MPP2: variants seen among roughly 807,000 people sequenced by gnomAD.
MPP2 encodes MAGUK p55 scaffold protein 2.
In MPP2, 42 loss-of-function variants were observed where a neutral mutation model predicts 58.5. The ratio of observed to expected loss-of-function variants is 0.72; its 90% CI spans 0.56 to 0.93. The LOEUF is 0.93. Ranked by LOEUF, MPP2 falls within the 40% of genes least tolerant of loss-of-function variation. The pLI is 0.00. For missense variants in MPP2, 632 were observed against 760.4 expected (o/e 0.83, Z 1.99); for synonymous variants, 300 against 307.8 (o/e 0.97, Z 0.26).
chr17:43,879,467 G>T lies in MPP2; in HGVS notation c.1354-64C>A. 1 of 1,595,336 alleles carries T rather than the reference G, an allele frequency of 6.3e-7. No individual in the cohort carries two copies. The highest frequency in any genetic ancestry group is 8.6e-7 in the Non-Finnish European group (1 of 1,166,630). ...TGTCTGTCCTAGGAACCAGAGAAAG[G>T]CTGTGAGGGTAACTGGGGTTGGGGT... On this transcript the variant is annotated intron_variant, in intron 11 of 12. Transcript: ENST00000269095. This position sits in a 1 kb window ranked among gnomAD's most constrained non-coding sequence, Gnocchi z 4.1.
intron 3 of MPP2, among the ~76,000 whole-genome samples, chr17:43,889,360 CTTTTTTTTTT>C (rs397748293): frequency 7.4e-6 from 1 of 135,164 alleles, no homozygotes; most frequent in Non-Finnish European, 1.6e-5. Flanking sequence ...AAATCACCAT[CTTTTTTTTTT>C]TTTTTTTTTT....
chr17:43,900,712 T>A (rs1422780711), intron 2 of MPP2: 2 of 1,325,142 alleles, frequency 1.5e-6, no homozygotes, highest in Non-Finnish European at 2.0e-6. Flanking sequence ...GCCTTGCTGA[T>A]TGGCTAAAGC....
At position 43,880,080 on chromosome 17, in the gene MPP2, G is replaced by T; in HGVS notation, c.1151-96C>A. On this transcript the variant is annotated intron_variant, in intron 10 of 12. Transcript: ENST00000269095. This position sits in a 1 kb window ranked among gnomAD's most constrained non-coding sequence, Gnocchi z 5.2. ...CCCCTACCCAGGCCCCCGTTTCCCA[G>T]CCTTGGAGGTGCAGTCTGCTCCCCA... 2 of 1,205,208 alleles carry T rather than the reference G, an allele frequency of 1.7e-6. No homozygotes were observed. Among genetic ancestry groups the T allele is most frequent in the Non-Finnish European group, 2.4e-6 (2 of 843,134 alleles). 74.7% of individuals were successfully genotyped at this position (1,205,208 alleles called of 1,614,324 possible).
At position 43,879,451 on chromosome 17, in the gene MPP2, T is replaced by C. The variant is rs769269771; in HGVS notation, c.1354-48A>G. The C allele has an allele frequency of 1.2e-6, 2 of 1,605,808 alleles. No homozygotes were observed. ...AGGGAGTATATCCCCATGTCTGTCC[T>C]AGGAACCAGAGAAAGGCTGTGAGGG... On this transcript the variant is annotated intron_variant, in intron 11 of 12. Transcript: ENST00000269095. This position sits in a 1 kb window ranked among gnomAD's most constrained non-coding sequence, Gnocchi z 4.1.
rs368504372 is a variant in MPP2, at chr17:43,880,782, C to T, written c.1059G>A (p.Leu353=). ...CCACGCCCTGAGCCCCAATCAGTAC[C>T]AGGGTTTTCCGGCGGAACGGGGGCA... ...ARMPPFRRKT[L]VLIGAQGVGR... The change falls in exon 10 of 13, where the codon CTG becomes CTA. Residue 353 remains leucine (L), a synonymous_variant. Transcript: ENST00000269095. The surrounding 1 kb of genome is among the most constrained non-coding windows in gnomAD (Gnocchi z 5.2). 1 of 1,613,810 alleles carries T rather than the reference C, an allele frequency of 6.2e-7. No homozygotes were observed. The highest frequency in any genetic ancestry group is 1.3e-5 in the African/African-American group (1 of 74,952).
chr17:43,881,842 C>T (rs963622445), intron 6 of MPP2, among the ~76,000 whole-genome samples: 1 of 152,142 alleles, frequency 6.6e-6, no homozygotes, highest in Non-Finnish European at 1.5e-5. Context: ...GGCACCTAAT[C>T]CTGGATCCCT....
Position 43,876,575 on chromosome 17 carries a change from G to C in MPP2, c.*1232C>G, listed in dbSNP as rs1227350139. 6.6e-6 allele frequency: 1 copy of C among 152,320 alleles called. No individual in the cohort carries two copies. The highest frequency in any genetic ancestry group is 1.5e-5 in the Non-Finnish European group (1 of 68,156). 9.4% of individuals were successfully genotyped at this position (152,320 alleles called of 1,614,324 possible). ...AATGAGGGCTGATGGGGAACCCCCA[G>C]AAAGGGGCCCCAAAGAGTGACCTCC... On this transcript the variant is annotated 3_prime_UTR_variant, in exon 13 of 13. Transcript: ENST00000269095.
chr17:43,892,715 C>T (rs2047658125), intron 3 of MPP2, among the ~76,000 whole-genome samples: 1 of 152,136 alleles, frequency 6.6e-6, no homozygotes, highest in African/African-American at 2.4e-5. Flanking sequence ...TCTACAAATC[C>T]GGAACCATAC....
intron 3 of MPP2, among the ~76,000 whole-genome samples, chr17:43,890,982 C>T (rs2047581145): frequency 6.6e-6 from 1 of 152,190 alleles, no homozygotes; most frequent in East Asian, 1.9e-4. Context: ...TTGTTTTAAG[C>T]CACGACACAG....
chr17:43,900,640 G>A (rs1037271660), intron 2 of MPP2: 4 of 1,443,636 alleles, frequency 2.8e-6, no homozygotes, highest in East Asian at 2.5e-5. Context: ...GGCTGGGGAA[G>A]GCGGGAGTCG....
At chr17:43,890,962 T>C (rs1278121861) in intron 3 of MPP2, among the ~76,000 whole-genome samples, 2 of 152,192 alleles carry the variant, frequency 1.3e-5, no homozygotes, top group Admixed American at 6.5e-5. Flanking sequence ...TCAGGGGAAT[T>C]AAATCACAGT....
In MPP2 at chr17:43,880,750, C is replaced by T. The variant is rs199968039; in HGVS notation, c.1091G>A (p.Arg364His). 68 of 1,613,958 alleles carry T rather than the reference C, an allele frequency of 4.2e-5. 1 individual carries two copies. Among genetic ancestry groups the T allele is most frequent in the Admixed American group, 1.2e-4 (7 of 59,992 alleles). Residue 364 changes from arginine to histidine, a missense_variant, in exon 10 of 13, where the codon CGC (arginine) becomes CAC (histidine). Arg to His is a conservative substitution (Grantham distance 29). Transcript: ENST00000269095. This position sits in a 1 kb window ranked among gnomAD's most constrained non-coding sequence, Gnocchi z 5.2. Reference protein sequence around the residue: ...VLIGAQGVGRRSLKNKLIMWD... With the variant: ...VLIGAQGVGRHSLKNKLIMWD... ...CATGATGAGCTTGTTCTTCAGGCTGCGCCGTCCCACGCCCTGAGCCCCAAT... is the reference window on the plus strand; with the variant it reads ...CATGATGAGCTTGTTCTTCAGGCTGTGCCGTCCCACGCCCTGAGCCCCAAT...
intron 3 of MPP2, among the ~76,000 whole-genome samples, chr17:43,889,577 C>T (rs1276286439): frequency 6.7e-6 from 1 of 150,058 alleles, no homozygotes; most frequent in Non-Finnish European, 1.5e-5. Context: ...GTGAGGCTGG[C>T]CTTGAACTCC....
rs1230236446 is a variant in MPP2, at chr17:43,883,351, T to C, written c.155A>G (p.His52Arg). ...SPIVRSLAKA[H>R]ERLEETKLEA... ...CAGCTTCGTCTCCTCCAGCCTCTCA[T>C]GGGCCTGGGGGTGGAAGCAGAACAG... The change falls in exon 4 of 13, where the codon CAT becomes CGT. Residue 52 changes from histidine (H) to arginine (R), a missense_variant. Transcript: ENST00000269095. 16 of 1,610,866 alleles carry C rather than the reference T, an allele frequency of 9.9e-6. No homozygotes were observed. The highest frequency in any genetic ancestry group is 1.3e-5 in the African/African-American group (1 of 74,872).
At chr17:43,908,030 G>A, upstream of MPP2, 1 of 953,924 alleles carries the variant, frequency 1.0e-6, no homozygotes, top group Non-Finnish European at 1.2e-6. Context: ...GGACTCAGAG[G>A]GTGGATATCC....
chr17:43,880,165 CAG>C lies in MPP2; in HGVS notation c.1151-183_1151-182del, dbSNP rs1567875254. Among the ~76,000 whole-genome samples the C allele has an allele frequency of 6.6e-6, 1 of 152,118 alleles. No homozygotes were observed. The highest frequency in any genetic ancestry group is 1.5e-5 in the Non-Finnish European group (1 of 68,020). ...CCCCCACTCTCCCCATTGGCACACACAGAGACATGAGCTGGTAATCATGGTCC... is the reference window on the plus strand; with the variant it reads ...CCCCCACTCTCCCCATTGGCACACACAGACATGAGCTGGTAATCATGGTCC... On this transcript the variant is annotated intron_variant, in intron 10 of 12. Transcript: ENST00000269095. The surrounding 1 kb of genome is among the most constrained non-coding windows in gnomAD (Gnocchi z 5.2).
At chr17:43,907,761 A>G, upstream of MPP2, 1 of 985,500 alleles carries the variant, frequency 1.0e-6, no homozygotes. Context: ...GGGAGGCAGG[A>G]CTGGTACCAG....
At chr17:43,898,506 T>G in intron 2 of MPP2, 126 bp from the exon 3 acceptor site, 3 of 613,344 alleles carry the variant, frequency 4.9e-6, no homozygotes, top group Non-Finnish European at 8.8e-6. Flanking sequence ...CCCGGCAACA[T>G]TCCCCTCCCT....
At chr17:43,878,029 C>CACCCCCACTGTCAGAAGGAGCTACAGCT in intron 12 of MPP2, 46 bp from the exon 13 acceptor site, 1 of 1,568,060 alleles carries the variant, frequency 6.4e-7, no homozygotes, top group Non-Finnish European at 8.7e-7. Context: ...GCCCACAACT[C>CACCCCCACTGTCAGAAGGAGCTACAGCT]ACCCCCACTG....
Sources: allele counts gnomAD v4.1 joint callset (sites outside exome capture counted in the v4.1 genomes callset), GRCh38; gene constraint gnomAD v4.1.1; non-coding constraint Gnocchi (gnomAD v3.1); transcripts MANE v1.5; gene names NCBI Gene and HGNC (gene_info 2026-07-23, HGNC 2026-07-21).